OTOA: variants seen among roughly 807,000 people sequenced by gnomAD.
OTOA encodes the protein otoancorin, also known as cancer/testis antigen 108.
A neutral mutation model predicts 110.8 loss-of-function variants in OTOA; 70 were observed. That is an observed-to-expected ratio of 0.63 (90% CI 0.52 to 0.77). The LOEUF is 0.77. Among genes scored for constraint, OTOA ranks in the 30% least tolerant of loss-of-function variants. The pLI is 0.00. For missense variants in OTOA, 917 were observed against 1,075.8 expected (o/e 0.85, Z 2.06); for synonymous variants, 373 against 431.5 (o/e 0.86, Z 1.68).
At position 21,726,187 on chromosome 16, in the gene OTOA, G is replaced by C. The variant is rs4783415; in HGVS notation, c.1881-336G>C. 0.14 allele frequency among the ~76,000 whole-genome samples: 21,496 copies of C among 152,040 alleles called. 2,086 individuals are homozygous for C. Among genetic ancestry groups the C allele is most frequent in the South Asian group, 0.28 (1,365 of 4,810 alleles). ...GAACCCATTCTCTGATCAATGCTCT[G>C]GGGCATAGAAGAGGAGCATGATGGG... On this transcript the variant is annotated intron_variant, in intron 18 of 28. Coordinates refer to ENST00000646100, the MANE Select transcript of OTOA (RefSeq NM_144672.4).
At position 21,665,305 on chromosome 16, in the gene OTOA, C is replaced by T. The variant is rs145019623; in HGVS notation, c.-5+1073C>T. 3.0e-4 allele frequency among the ~76,000 whole-genome samples: 46 copies of T among 152,308 alleles called. 1 individual carries two copies. Among genetic ancestry groups the T allele is most frequent in the African/African-American group, 1.1e-3 (45 of 41,570 alleles). ...GCATGCATAGCTGTGTGACCTTGGG[C>T]AGGTCACTTGACCTCTCAGAACCCA... On this transcript the variant is annotated intron_variant, in intron 1 of 28. Coordinates refer to ENST00000646100, the MANE Select transcript of OTOA (RefSeq NM_144672.4).
rs760573914 is a variant in OTOA at position 21,685,363 on chromosome 16, T to C, written c.399+2T>C. The C allele has an allele frequency of 4.7e-5, 76 of 1,610,486 alleles. 1 individual carries two copies. Among genetic ancestry groups the C allele is most frequent in the Non-Finnish European group, 6.0e-5 (71 of 1,177,910 alleles). ...TTAGAAGACAAGAAGGACGGCTTGG[T>C]GAGGAGCCCTTGGCATCCCGGGGAT... On this transcript the variant is annotated splice_donor_variant, in intron 7 of 28. Transcript: ENST00000646100. LOFTEE classifies it high-confidence loss of function.
Position 21,755,410 on chromosome 16 carries a change from T to C in OTOA, c.3154-1672T>C, listed in dbSNP as rs1296700678. 0.016 allele frequency among the ~76,000 whole-genome samples: 1,507 copies of C among 96,168 alleles called. 6 individuals carry two copies. The East Asian group carries it at 0.16, about 10-fold the overall frequency. The allele number at this position is 96,168 out of a possible 152,430, so 63.1% of individuals were successfully genotyped here. A position where few individuals can be genotyped will look rare whatever the true frequency, so the allele number is the denominator to read the frequency against. ...GAATACAGACTCTGTGTTAATGGTATATGGAAGCCAAAAAAGTACCTCTCT... is the reference window on the plus strand; with the variant it reads ...GAATACAGACTCTGTGTTAATGGTACATGGAAGCCAAAAAAGTACCTCTCT... On this transcript the variant is annotated intron_variant, in intron 27 of 28. Transcript: ENST00000646100.
chr16:21,677,377 C>T lies in OTOA; in HGVS notation c.-4-1134C>T, dbSNP rs565423399. Among the ~76,000 whole-genome samples the T allele has an allele frequency of 2.3e-3, 341 of 151,378 alleles. 1 individual carries two copies. The highest frequency in any genetic ancestry group is 7.2e-3 in the African/African-American group (296 of 41,222). On this transcript the variant is annotated intron_variant, in intron 1 of 28. Transcript: ENST00000646100. ...CATTCTAGTGACTTTGTAGTGGTCT[C>T]GTTGTGAGTTTAATTTGCTAGTTCT...
In OTOA at chr16:21,685,240, A is replaced by G; in HGVS notation, c.278A>G (p.Glu93Gly). 6.2e-7 allele frequency: 1 copy of G among 1,612,330 alleles called. No individual in the cohort carries two copies. The highest frequency in any genetic ancestry group is 8.5e-7 in the Non-Finnish European group (1 of 1,178,880). Residue 93 changes from glutamate (E) to glycine (G), a missense_variant, in exon 7 of 29, where the codon GAA becomes GGA. Physicochemically the swap from Glu to Gly is moderately conservative, Grantham distance 98. Transcript: ENST00000646100. ...FTIPSLQAAVENHLEQRLHQP... is the reference protein window; with the variant it reads ...FTIPSLQAAVGNHLEQRLHQP... ...ACACCCCAAATACAGGCAGCCGTGGAAAACCACCTGGAGCAGCGTCTGCAC... is the reference window on the plus strand; with the variant it reads ...ACACCCCAAATACAGGCAGCCGTGGGAAACCACCTGGAGCAGCGTCTGCAC...
In OTOA at chr16:21,726,588, G is replaced by A. The variant is rs200784134; in HGVS notation, c.1946G>A (p.Ser649Asn). 3.1e-6 allele frequency: 5 copies of A among 1,614,058 alleles called. No individual in the cohort carries two copies. In the East Asian group the frequency reaches 8.9e-5, roughly 29 times the overall value. Residue 649 changes from serine (S) to asparagine (N), a missense_variant, in exon 19 of 29, where the codon AGC (serine) becomes AAC (asparagine). This residue lies in a region of OTOA where 840 missense variants were observed against 910.2 expected (regional missense o/e 0.92). Transcript: ENST00000646100. ...CVPFLISLGK[S>N]WLDSLVLDSH... ...CCCTTTCTGATCAGCCTGGGGAAGAGCTGGTTGGACTCCTTGGTTTTAGAT... is the reference window on the plus strand; with the variant it reads ...CCCTTTCTGATCAGCCTGGGGAAGAACTGGTTGGACTCCTTGGTTTTAGAT...
intron 28 of OTOA, among the ~76,000 whole-genome samples, chr16:21,759,525 T>TA (rs1335218376): frequency 1.3e-5 from 2 of 151,720 alleles, no homozygotes; most frequent in Non-Finnish European, 2.9e-5. Flanking sequence ...TGACCTGATA[T>TA]AATTTGCATC....
At chr16:21,703,883 C>G (rs1455946133) in intron 11 of OTOA, among the ~76,000 whole-genome samples, 1 of 152,128 alleles carries the variant, frequency 6.6e-6, no homozygotes, top group Non-Finnish European at 1.5e-5. Context: ...TCACAATCAT[C>G]CTCTTTCTTT....
chr16:21,697,874 A>T lies in OTOA; in HGVS notation c.839A>T (p.Glu280Val). The T allele has an allele frequency of 6.2e-7, 1 of 1,612,512 alleles. No homozygotes were observed. The highest frequency in any genetic ancestry group is 8.5e-7 in the Non-Finnish European group (1 of 1,178,568). Residue 280 changes from glutamate to valine, a missense_variant and splice_region_variant, in exon 10 of 29, where the codon GAA (glutamate) becomes GTA (valine). Around this residue, in one of 6 missense-constraint regions of OTOA, gnomAD observed 840 missense variants for 910.2 expected, o/e 0.92. Coordinates refer to ENST00000646100, the MANE Select transcript of OTOA (RefSeq NM_144672.4). ...FEEITKISPIEIGLFISYDNA... is the reference protein window; with the variant it reads ...FEEITKISPIVIGLFISYDNA... ...GAAATTACGAAAATTAGTCCTATAG[A>T]AGTAAGTTGGAAAAGTACATTTATA...
intron 12 of OTOA, among the ~76,000 whole-genome samples, chr16:21,708,615 A>G (rs185065269): frequency 1.2e-4 from 19 of 152,272 alleles, no homozygotes; most frequent in Admixed American, 1.1e-3. Flanking sequence ...CGTTTTACAG[A>G]TGTGGAAACT....
At chr16:21,707,710 T>C (rs1431716763) in intron 12 of OTOA, among the ~76,000 whole-genome samples, 8 of 146,400 alleles carry the variant, frequency 5.5e-5, no homozygotes, top group African/African-American at 1.8e-4. Context: ...TTCCTTCCTT[T>C]CTTTCTTCTC....
At chr16:21,669,693 C>G (rs2141645352) in intron 1 of OTOA, among the ~76,000 whole-genome samples, 1 of 152,290 alleles carries the variant, frequency 6.6e-6, no homozygotes, top group Admixed American at 6.5e-5. Flanking sequence ...CCTCCAAAAT[C>G]CAACCACTTC....
At chr16:21,723,128 G>T (rs757377727) in intron 18 of OTOA, 150 bp downstream of exon 18, 36 of 780,514 alleles carry the variant, frequency 4.6e-5, no homozygotes, top group Non-Finnish European at 7.5e-5. Flanking sequence ...TGAGATCCAG[G>T]ATTTCAATTC....
At chr16:21,697,390 G>C (rs1034930217) in intron 9 of OTOA, among the ~76,000 whole-genome samples, 4 of 152,158 alleles carry the variant, frequency 2.6e-5, no homozygotes, top group African/African-American at 9.6e-5. Context: ...CCAGCACTTG[G>C]GGAGGCAAGA....
chr16:21,726,511 A>G lies in OTOA; in HGVS notation c.1881-12A>G, dbSNP rs112511503. The G allele has an allele frequency of 1.2e-5, 19 of 1,613,028 alleles. No homozygotes were observed. In the African/African-American group the frequency reaches 2.4e-4, roughly 20 times the overall value. ...ATGTGTTCCTCCTCTTGTTCTCCCC[A>G]TCTCTCTCCAGGGCCCGCTACCTGG... On this transcript the variant is annotated splice_polypyrimidine_tract_variant and intron_variant, in intron 18 of 28. Transcript: ENST00000646100.
chr16:21,674,075 G>A (rs1966852906), intron 1 of OTOA, among the ~76,000 whole-genome samples: 1 of 152,208 alleles, frequency 6.6e-6, no homozygotes, highest in Non-Finnish European at 1.5e-5. Flanking sequence ...GGGATTATAG[G>A]CGTGAGCCAC....
chr16:21,728,257 A>G lies in OTOA; in HGVS notation c.2033A>G (p.Asp678Gly). Residue 678 changes from aspartate (D) to glycine (G), a missense_variant, in exon 20 of 29, where the codon GAT becomes GGT. Around this residue, in one of 6 missense-constraint regions of OTOA, gnomAD observed 840 missense variants for 910.2 expected, o/e 0.92. Coordinates refer to ENST00000646100, the MANE Select transcript of OTOA (RefSeq NM_144672.4). Reference sequence around the variant, plus strand: ...TGGGTTCAGGACGACTCCATTGCTGATGAGTACACTGTGGACATCATGGGG... The same window carrying G: ...TGGGTTCAGGACGACTCCATTGCTGGTGAGTACACTGTGGACATCATGGGG... ...VQQCLDDSIADEYTVDIMGNL... is the reference protein window; with the variant it reads ...VQQCLDDSIAGEYTVDIMGNL... 1 of 1,614,134 alleles carries G rather than the reference A, an allele frequency of 6.2e-7. No homozygotes were observed. Among genetic ancestry groups the G allele is most frequent in the Non-Finnish European group, 8.5e-7 (1 of 1,180,018 alleles).
intron 1 of OTOA, among the ~76,000 whole-genome samples, chr16:21,670,572 A>G (rs1321074122): frequency 1.3e-5 from 2 of 152,008 alleles, no homozygotes; most frequent in Non-Finnish European, 2.9e-5. Flanking sequence ...TAGTTATTTG[A>G]TTATCTATTT....
At chr16:21,725,548 T>C (rs1898886692) in intron 18 of OTOA, among the ~76,000 whole-genome samples, 1 of 152,228 alleles carries the variant, frequency 6.6e-6, no homozygotes, top group Admixed American at 6.5e-5. Context: ...CCTCCCAAAG[T>C]GCTGGGATTA....
Sources: allele counts gnomAD v4.1 joint callset (sites outside exome capture counted in the v4.1 genomes callset), GRCh38; gene constraint gnomAD v4.1.1; regional missense constraint gnomAD v4.1.1; transcripts MANE v1.5; gene names NCBI Gene and HGNC (gene_info 2026-07-23, HGNC 2026-07-21).